DDX42: variants seen among roughly 807,000 people sequenced by gnomAD.
DDX42 encodes the protein DEAD-box helicase 42.
In DDX42, 22 loss-of-function variants were observed where a neutral mutation model predicts 101.5. The observed-to-expected ratio is 0.22, with a 90% CI of 0.15 to 0.31. The LOEUF (loss-of-function observed/expected upper bound fraction) is 0.31, where lower values mean the gene tolerates loss of function less well. Among genes scored for constraint, DDX42 ranks in the 10% least tolerant of loss-of-function variants. DDX42 has a pLI of 1.00. For missense variants in DDX42, 849 were observed against 1,199.9 expected, an observed-to-expected ratio of 0.71 and a Z score of 4.32; for synonymous variants, 402 against 401.2, an observed-to-expected ratio of 1.00 and a Z score of -0.02.
chr17:63,792,370 A>G (rs751101750), intron 2 of DDX42, 42 bp from the exon 3 acceptor site: 2 of 1,594,956 alleles, frequency 1.3e-6, no homozygotes, highest in Non-Finnish European at 1.7e-6. Context: ...TACTGACCCC[A>G]AAGTAAGCAT....
chr17:63,779,176 G>A (rs2039457089), intron 1 of DDX42, among the ~76,000 whole-genome samples: 1 of 151,816 alleles, frequency 6.6e-6, no homozygotes, highest in African/African-American at 2.4e-5. Context: ...TTATTTTTTG[G>A]CACCCCAGCA....
intron 9 of DDX42, 128 bp downstream of exon 9, chr17:63,808,028 C>T: frequency 2.3e-6 from 2 of 860,140 alleles, no homozygotes; most frequent in Non-Finnish European, 3.4e-6. Context: ...AATTGATTAT[C>T]TTAACCATTT....
Position 63,792,576 on chromosome 17 carries a change from T to C in DDX42, c.372+14T>C. 1 of 1,599,690 alleles carries C rather than the reference T, an allele frequency of 6.3e-7. No individual in the cohort carries two copies. Among genetic ancestry groups the C allele is most frequent in the Non-Finnish European group, 8.5e-7 (1 of 1,173,038 alleles). ...GCTGAAGTGGAGGCAAGTATCAACATGTTTCATTAAAATATTTAGCAGTTA... is the reference window on the plus strand; with the variant it reads ...GCTGAAGTGGAGGCAAGTATCAACACGTTTCATTAAAATATTTAGCAGTTA... On this transcript the variant is annotated intron_variant, in intron 3 of 17. Transcript: ENST00000389924.
At chr17:63,795,949 A>G (rs2039687596) in intron 3 of DDX42, among the ~76,000 whole-genome samples, 1 of 152,210 alleles carries the variant, frequency 6.6e-6, no homozygotes, top group Non-Finnish European at 1.5e-5. Context: ...CAAACTATAC[A>G]GGATACTTAC....
intron 1 of DDX42, among the ~76,000 whole-genome samples, chr17:63,785,623 GAAAA>G (rs2039539430): frequency 6.7e-6 from 1 of 148,254 alleles, no homozygotes; most frequent in Non-Finnish European, 1.5e-5. Context: ...AAAAAAGAAA[GAAAA>G]GGTTTTTGGA....
intron 3 of DDX42, among the ~76,000 whole-genome samples, chr17:63,793,402 A>T (rs2039652344): frequency 6.6e-6 from 1 of 151,940 alleles, no homozygotes; most frequent in Non-Finnish European, 1.5e-5. Context: ...TGAATAGCTG[A>T]GATTGCAGGT....
rs781450238 is a variant in DDX42 at position 63,818,021 on chromosome 17, C to T, written c.2440C>T (p.Arg814Trp). ...NGKRERYTENRGSSRHSHGET... is the reference protein window; with the variant it reads ...NGKRERYTENWGSSRHSHGET... The stretch of plus-strand genomic sequence containing the variant: ...GAAAAGAGAGAGATATACTGAGAAC[C>T]GGGGCAGCAGCCGTCACAGTCACGG... The change falls in exon 18 of 18, where the codon CGG becomes TGG. Residue 814 changes from arginine (R) to tryptophan (W), a missense_variant. Physicochemically the swap from Arg to Trp is moderately radical, Grantham distance 101. Coordinates refer to ENST00000389924, the MANE Select transcript of DDX42 (RefSeq NM_203499.3). 13 of 1,614,002 alleles carry T rather than the reference C, an allele frequency of 8.1e-6. No individual in the cohort carries two copies. In the East Asian group the frequency reaches 1.8e-4, roughly 22 times the overall value.
chr17:63,790,736 G>A (rs2039617127), intron 2 of DDX42, among the ~76,000 whole-genome samples: 1 of 152,072 alleles, frequency 6.6e-6, no homozygotes, highest in African/African-American at 2.4e-5. Flanking sequence ...CTCCAGCCTG[G>A]GCGACAGAGC....
At chr17:63,774,949 A>T (rs1483581624) in intron 1 of DDX42, among the ~76,000 whole-genome samples, 1 of 152,230 alleles carries the variant, frequency 6.6e-6, no homozygotes, top group African/African-American at 2.4e-5. Context: ...CAAAAACAGG[A>T]GAAGCTGTCG....
At position 63,818,190 on chromosome 17, in the gene DDX42, G is replaced by T. The variant is rs748054230; in HGVS notation, c.2609G>T (p.Arg870Leu). ...GENRHGGSAG[R>L]HGENRGANDG... ...AACAGACATGGAGGAAGCGCAGGCC[G>T]GCATGGGGAGAACCGGGGTGCAAAT... is the stretch of plus-strand genomic sequence containing the variant. The change falls in exon 18 of 18, where the codon CGG (arginine) becomes CTG (leucine). Residue 870 changes from arginine to leucine, a missense_variant. Coordinates refer to ENST00000389924, the MANE Select transcript of DDX42 (RefSeq NM_203499.3). 3 of 1,614,016 alleles carry T rather than the reference G, an allele frequency of 1.9e-6. No individual in the cohort carries two copies. The highest frequency in any genetic ancestry group is 2.5e-6 in the Non-Finnish European group (3 of 1,180,034).
intron 6 of DDX42, among the ~76,000 whole-genome samples, chr17:63,801,657 G>A (rs1186512495): frequency 6.6e-6 from 1 of 151,982 alleles, no homozygotes; most frequent in African/African-American, 2.4e-5. Context: ...ATTTTACCAC[G>A]TTGGCCAGGC....
chr17:63,781,478 A>G (rs1310049325), intron 1 of DDX42, among the ~76,000 whole-genome samples: 1 of 151,870 alleles, frequency 6.6e-6, no homozygotes, highest in African/African-American at 2.4e-5. Context: ...TGGCCTCCCA[A>G]AGTGCTGGGA....
At chr17:63,802,381 A>G (rs973207440) in intron 6 of DDX42, among the ~76,000 whole-genome samples, 4 of 152,254 alleles carry the variant, frequency 2.6e-5, no homozygotes, top group African/African-American at 7.2e-5. Flanking sequence ...AAGGTGAACT[A>G]GCTACTTTTT....
intron 16 of DDX42, 134 bp from the exon 17 acceptor site, chr17:63,816,734 G>C: frequency 1.9e-6 from 1 of 535,834 alleles, no homozygotes; most frequent in East Asian, 3.3e-5. Context: ...TTCTCACAAA[G>C]CAGTAGCAGC....
intron 2 of DDX42, among the ~76,000 whole-genome samples, chr17:63,789,817 C>G (rs1324764038): frequency 2.0e-5 from 3 of 151,928 alleles, no homozygotes; most frequent in Admixed American, 1.3e-4. Flanking sequence ...AGGTGATCTG[C>G]CTGCCTCGGC....
chr17:63,792,025 C>T (rs985434895), intron 2 of DDX42, among the ~76,000 whole-genome samples: 1 of 148,948 alleles, frequency 6.7e-6, no homozygotes, highest in Admixed American at 6.7e-5. Flanking sequence ...CCAGCCTGGG[C>T]GATGAGGAAA....
In DDX42 at chr17:63,815,753, A is replaced by G. The variant is rs566792017; in HGVS notation, c.2013+80A>G. On this transcript the variant is annotated intron_variant, in intron 16 of 17. Transcript: ENST00000389924. The stretch of plus-strand genomic sequence containing the variant: ...TCATTAGGAATATTCTCATCTACCC[A>G]GGAAAGCCTCAGTGAGTTTAAAGCC... 7.9e-5 allele frequency: 79 copies of G among 1,004,728 alleles called. No individual in the cohort carries two copies. The African/African-American group carries it at 1.2e-3, about 15-fold the overall frequency. The allele number at this position is 1,004,728 out of a possible 1,614,324, so 62.2% of individuals were successfully genotyped here. A position where few individuals can be genotyped will look rare whatever the true frequency, so the allele number is the denominator to read the frequency against.
intron 6 of DDX42, among the ~76,000 whole-genome samples, chr17:63,801,230 T>C (rs1349546991): frequency 6.6e-6 from 1 of 152,034 alleles, no homozygotes; most frequent in African/African-American, 2.4e-5. Flanking sequence ...TTTTTAAATA[T>C]TTTTGGTAGA....
chr17:63,811,865 C>G lies in DDX42; in HGVS notation c.1399-67C>G, dbSNP rs764301934. The G allele has an allele frequency of 3.7e-6, 6 of 1,603,172 alleles. No homozygotes were observed. In the South Asian group the frequency reaches 4.4e-5, roughly 12 times the overall value. Reference sequence around the variant, plus strand: ...CTCGATGCAGGTAGAAATATAATGCCTAGTCCTTGTTCAGGTGCCCTGTGG... The same window carrying G: ...CTCGATGCAGGTAGAAATATAATGCGTAGTCCTTGTTCAGGTGCCCTGTGG... On this transcript the variant is annotated intron_variant, in intron 13 of 17. Coordinates refer to ENST00000389924, the MANE Select transcript of DDX42 (RefSeq NM_203499.3).
Sources: allele counts gnomAD v4.1 joint callset (sites outside exome capture counted in the v4.1 genomes callset), GRCh38; gene constraint gnomAD v4.1.1; transcripts MANE v1.5; gene names NCBI Gene and HGNC (gene_info 2026-07-23, HGNC 2026-07-21).